The following CADPS2 variants were observed in gnomAD, a reference collection of about 807,000 sequenced individuals.
CADPS2 encodes calcium-dependent secretion activator 2.
CADPS2 carries 93 observed loss-of-function variants against 172.5 expected under a neutral mutation model. The observed-to-expected ratio is 0.54, with a 90% CI of 0.46 to 0.64. CADPS2 has a LOEUF of 0.64. CADPS2 is among the 30% of genes least tolerant of loss of function. The pLI is 0.00. For missense variants in CADPS2, 1,420 were observed against 1,565.9 expected (o/e 0.91, Z 1.57); for synonymous variants, 546 against 555.2 (o/e 0.98, Z 0.23).
chr7:122,849,688 T>C, intron 1 of CADPS2: 1 of 334,332 alleles, frequency 3.0e-6, no homozygotes, highest in Non-Finnish European at 5.8e-6. Context: ...TTTGATTGGG[T>C]CTTTGCATTC....
chr7:122,447,031 C>CTTTTTTTTTTTTTT (rs71530096), intron 15 of CADPS2, among the ~76,000 whole-genome samples: 1 of 78,350 alleles, frequency 1.3e-5, no homozygotes, highest in Non-Finnish European at 2.4e-5. Context: ...GTAGCTCCCT[C>CTTTTTTTTTTTTTT]TTTTTTTTTT....
At position 122,686,841 on chromosome 7, in the gene CADPS2, C is replaced by T. The variant is rs1278786049; in HGVS notation, c.454-23272G>A. On this transcript the variant is annotated intron_variant, in intron 2 of 29. Coordinates refer to ENST00000449022, the MANE Select transcript of CADPS2 (RefSeq NM_017954.11). ...CTGGTATTACAGGAATGTGTCACTA[C>T]GCCCGGCTAACTTTTGTATTTTTAG... is the stretch of plus-strand genomic sequence containing the variant. Among the ~76,000 whole-genome samples the T allele has an allele frequency of 1.1e-4, 17 of 152,160 alleles. No homozygotes were observed. The East Asian group carries it at 2.5e-3, about 23-fold the overall frequency.
chr7:122,417,298 G>A (rs1251539971), intron 17 of CADPS2, among the ~76,000 whole-genome samples: 1 of 152,052 alleles, frequency 6.6e-6, no homozygotes, highest in Non-Finnish European at 1.5e-5. Flanking sequence ...ACTGATGTGG[G>A]GTTCACATCC....
chr7:122,715,577 G>A (rs1224327200), intron 2 of CADPS2, among the ~76,000 whole-genome samples: 1 of 152,032 alleles, frequency 6.6e-6, no homozygotes, highest in Non-Finnish European at 1.5e-5. Context: ...TTTGAATAAG[G>A]TCTGAAGCAT....
At chr7:122,411,426 G>T (rs1038595396) in intron 19 of CADPS2, among the ~76,000 whole-genome samples, 4 of 151,620 alleles carry the variant, frequency 2.6e-5, no homozygotes, top group African/African-American at 9.7e-5. Flanking sequence ...CGCCATGTTC[G>T]CCAGGCTGAC....
At chr7:122,638,360 C>G (rs1453806592) in intron 3 of CADPS2, among the ~76,000 whole-genome samples, 6 of 152,170 alleles carry the variant, frequency 3.9e-5, no homozygotes, top group African/African-American at 1.4e-4. Flanking sequence ...AAGTTAGGAG[C>G]AGGGTGAAGT....
chr7:122,641,041 A>G (rs1218907803), intron 3 of CADPS2, among the ~76,000 whole-genome samples: 2 of 152,086 alleles, frequency 1.3e-5, no homozygotes, highest in Non-Finnish European at 2.9e-5. Context: ...AATAGAGATC[A>G]GAGGTAAGGC....
chr7:122,708,520 GATATATATATATAT>G lies in CADPS2; in HGVS notation c.453+28421_453+28434del, dbSNP rs57522086. Among the ~76,000 whole-genome samples the G allele has an allele frequency of 4.5e-3, 519 of 116,300 alleles. 4 individuals are homozygous for G. Among genetic ancestry groups the G allele is most frequent in the African/African-American group, 0.011 (318 of 29,348 alleles). 76.3% of individuals were successfully genotyped at this position (116,300 alleles called of 152,430 possible). ...GTAGATCCAAACATATTGTATTCGA[GATATATATATATAT>G]ATATATATATATATATATATATATA... On this transcript the variant is annotated intron_variant, in intron 2 of 29. Coordinates refer to ENST00000449022, the MANE Select transcript of CADPS2 (RefSeq NM_017954.11).
At chr7:122,444,208 A>G (rs978710957) in intron 15 of CADPS2, among the ~76,000 whole-genome samples, 1 of 152,092 alleles carries the variant, frequency 6.6e-6, no homozygotes, top group Non-Finnish European at 1.5e-5. Context: ...CTGTGTATCT[A>G]TTCCTTGCTG....
intron 5 of CADPS2, among the ~76,000 whole-genome samples, chr7:122,617,667 G>A (rs2075078061): frequency 6.6e-6 from 1 of 152,180 alleles, no homozygotes; most frequent in Non-Finnish European, 1.5e-5. Context: ...GCAATATGGT[G>A]AAATTGGGGA....
chr7:122,527,729 A>G (rs973578464), intron 8 of CADPS2, among the ~76,000 whole-genome samples: 1 of 151,964 alleles, frequency 6.6e-6, no homozygotes, highest in Non-Finnish European at 1.5e-5. Context: ...AGTCACAGAT[A>G]GTGCTAAGAG....
At chr7:122,479,596 T>A (rs1355313874) in intron 12 of CADPS2, among the ~76,000 whole-genome samples, 1 of 152,228 alleles carries the variant, frequency 6.6e-6, no homozygotes, top group Non-Finnish European at 1.5e-5. Flanking sequence ...CAAAACCTGA[T>A]ATATGAATTA....
intron 14 of CADPS2, among the ~76,000 whole-genome samples, chr7:122,469,142 G>A (rs920578723): frequency 6.6e-6 from 1 of 152,164 alleles, no homozygotes; most frequent in Non-Finnish European, 1.5e-5. Flanking sequence ...GCAACCAGTA[G>A]AGTCAAATCA....
chr7:122,405,161 A>ACTTACT (rs1434827234), intron 20 of CADPS2, among the ~76,000 whole-genome samples: 1 of 152,158 alleles, frequency 6.6e-6, no homozygotes, highest in East Asian at 1.9e-4. Context: ...AAAATACCTT[A>ACTTACT]CTTACTTATT....
At chr7:122,775,189 C>T (rs2093838511) in intron 1 of CADPS2, among the ~76,000 whole-genome samples, 1 of 152,156 alleles carries the variant, frequency 6.6e-6, no homozygotes, top group Non-Finnish European at 1.5e-5. Flanking sequence ...AACAGTGCAG[C>T]ACAATGTTTG....
intron 4 of CADPS2, among the ~76,000 whole-genome samples, chr7:122,623,852 T>C (rs1215926739): frequency 6.6e-6 from 1 of 152,210 alleles, no homozygotes; most frequent in Non-Finnish European, 1.5e-5. Flanking sequence ...AAAGTTCTGA[T>C]ATACTAACGC....
chr7:122,470,706 G>A (rs2055812773), intron 14 of CADPS2, among the ~76,000 whole-genome samples: 1 of 152,038 alleles, frequency 6.6e-6, no homozygotes, highest in Non-Finnish European at 1.5e-5. Flanking sequence ...CAGTTGGCCA[G>A]GCTGGTCTCA....
intron 1 of CADPS2, among the ~76,000 whole-genome samples, chr7:122,818,859 A>G (rs913295346): frequency 6.6e-6 from 1 of 152,212 alleles, no homozygotes; most frequent in Non-Finnish European, 1.5e-5. Flanking sequence ...AATCCAGCCC[A>G]GCTCATGACT....
At chr7:122,774,798 T>C (rs1034680627) in intron 1 of CADPS2, among the ~76,000 whole-genome samples, 3 of 152,178 alleles carry the variant, frequency 2.0e-5, no homozygotes, top group South Asian at 4.1e-4. Context: ...CTTTGAGGCC[T>C]ACAATATATA....
Sources: allele counts gnomAD v4.1 joint callset (sites outside exome capture counted in the v4.1 genomes callset), GRCh38; gene constraint gnomAD v4.1.1; transcripts MANE v1.5; gene names NCBI Gene and HGNC (gene_info 2026-07-23, HGNC 2026-07-21).